The following LPCAT3 variants were observed in gnomAD, a reference collection of about 807,000 sequenced individuals.
LPCAT3 encodes lysophospholipid acyltransferase 5.
Under a neutral mutation model 63.4 loss-of-function variants are expected in LPCAT3, and 21 were observed. That is an observed-to-expected ratio of 0.33 (90% confidence interval 0.23 to 0.48). The LOEUF is 0.48. Among genes scored for constraint, LPCAT3 ranks in the 20% least tolerant of loss-of-function variants. The pLI, the probability that LPCAT3 is intolerant of heterozygous loss-of-function variation, is 0.99. For missense variants in LPCAT3, 451 were observed against 590.6 expected (o/e 0.76, Z 2.45); for synonymous variants, 242 against 227.5 (o/e 1.06, Z -0.58).
chr12:6,977,921 C>T lies in LPCAT3; in HGVS notation c.1041-176G>A. 1.4e-6 allele frequency: 1 copy of T among 714,914 alleles called. No homozygotes were observed. Among genetic ancestry groups the T allele is most frequent in the South Asian group, 1.8e-5 (1 of 55,104 alleles). The allele number at this position is 714,914 out of a possible 1,614,324, so 44.3% of individuals were successfully genotyped here. ...ATTACTTTTAGAGATGGAAAGCAGA[C>T]CCAAGGCGGAGCTGGAGACCGTGTG... On this transcript the variant is annotated intron_variant, in intron 9 of 12. Coordinates refer to ENST00000261407, the MANE Select transcript of LPCAT3 (RefSeq NM_005768.6). The surrounding 1 kb of genome is among the most constrained non-coding windows in gnomAD (Gnocchi z 4.5).
chr12:7,009,409 G>A (rs1463246824), intron 1 of LPCAT3, among the ~76,000 whole-genome samples: 1 of 152,160 alleles, frequency 6.6e-6, no homozygotes, highest in Non-Finnish European at 1.5e-5. Flanking sequence ...CTACAAAATA[G>A]GCACCGGAAG....
At chr12:6,983,612 T>A in intron 1 of LPCAT3, 73 bp from the exon 2 acceptor site, 1 of 952,278 alleles carries the variant, frequency 1.1e-6, no homozygotes, top group Non-Finnish European at 1.7e-6. Flanking sequence ...GAAGTTTATC[T>A]GGCATGAAAC....
chr12:6,982,548 T>C (rs148570459), intron 3 of LPCAT3, 128 bp downstream of exon 3: 4 of 666,632 alleles, frequency 6.0e-6, no homozygotes, highest in East Asian at 2.7e-5. Flanking sequence ...CCTGAAGTCA[T>C]ACTGCTAAGT....
rs79289727 is a variant in LPCAT3, at chr12:7,014,292, A to G, written c.151+3982T>C. On this transcript the variant is annotated intron_variant, in intron 1 of 12. Transcript: ENST00000261407. ...TGCTCCTGCCCTTGCAGGGTTAAGA[A>G]TACTGCTTTACCTGTAGTAGGTGCA... Among the ~76,000 whole-genome samples the G allele has an allele frequency of 2.0e-4, 30 of 152,354 alleles. No homozygotes were observed. In the East Asian group the frequency reaches 5.6e-3, roughly 28 times the overall value.
chr12:6,987,111 CA>C lies in LPCAT3; in HGVS notation c.152-3573del, dbSNP rs56951656. Among the ~76,000 whole-genome samples, 5 of 145,000 alleles carry C rather than the reference CA, an allele frequency of 3.4e-5. No individual in the cohort carries two copies. The highest frequency in any genetic ancestry group is 7.5e-5 in the African/African-American group (3 of 40,084). On this transcript the variant is annotated intron_variant, in intron 1 of 12. Transcript: ENST00000261407. This position sits in a 1 kb window ranked among gnomAD's most constrained non-coding sequence, Gnocchi z 4.1. ...TTGGGCAACGAGCAAGATTCTGTCT[CA>C]AAAAAAAAAGAAAAAAAAGTTTTAT...
At chr12:7,012,323 C>T (rs1490038507) in intron 1 of LPCAT3, among the ~76,000 whole-genome samples, 2 of 152,156 alleles carry the variant, frequency 1.3e-5, no homozygotes, top group African/African-American at 4.8e-5. Flanking sequence ...GCCCCACATG[C>T]TCCTCCCAAT....
Position 6,978,590 on chromosome 12 carries a change from C to G in LPCAT3, c.873+13G>C, listed in dbSNP as rs782205863. The G allele has an allele frequency of 1.2e-6, 2 of 1,614,032 alleles. No individual in the cohort carries two copies. Among genetic ancestry groups the G allele is most frequent in the Admixed American group, 1.7e-5 (1 of 59,994 alleles). ...TTGTCTAAATAGGACCTTGTTTCAACTTTTCTACTTACTGTGACCAGCCAA... is the reference window on the plus strand; with the variant it reads ...TTGTCTAAATAGGACCTTGTTTCAAGTTTTCTACTTACTGTGACCAGCCAA... On this transcript the variant is annotated intron_variant, in intron 8 of 12. Coordinates refer to ENST00000261407, the MANE Select transcript of LPCAT3 (RefSeq NM_005768.6).
chr12:6,979,770 C>A, intron 6 of LPCAT3, 191 bp from the exon 7 acceptor site: 2 of 598,620 alleles, frequency 3.3e-6, no homozygotes, highest in Non-Finnish European at 6.0e-6. Flanking sequence ...GGAATGGGGA[C>A]TGCAAACCTC....
chr12:6,978,096 A>C (rs1478676524), intron 9 of LPCAT3: 2 of 561,648 alleles, frequency 3.6e-6, no homozygotes, highest in Non-Finnish European at 3.1e-6. Flanking sequence ...ACATAAGTCC[A>C]TTGGCAGAGC....
intron 1 of LPCAT3, among the ~76,000 whole-genome samples, chr12:7,000,354 G>A (rs1250417171): frequency 1.3e-5 from 2 of 151,312 alleles, no homozygotes; most frequent in Non-Finnish European, 2.9e-5. Flanking sequence ...TTGGGAGGCC[G>A]AGACAGGCAG....
intron 1 of LPCAT3, among the ~76,000 whole-genome samples, chr12:6,999,248 G>C (rs1946664793): frequency 6.6e-6 from 1 of 152,112 alleles, no homozygotes; most frequent in Non-Finnish European, 1.5e-5. Context: ...GTTCATTTCT[G>C]AAAGTTACCT....
At chr12:7,011,886 T>G (rs1946766545) in intron 1 of LPCAT3, among the ~76,000 whole-genome samples, 1 of 152,202 alleles carries the variant, frequency 6.6e-6, no homozygotes, top group Admixed American at 6.5e-5. Context: ...TTTGTTTCAT[T>G]AATGCTGCTT....
At chr12:6,981,492 G>A in intron 5 of LPCAT3, 103 bp downstream of exon 5, 1 of 1,147,652 alleles carries the variant, frequency 8.7e-7, no homozygotes, top group South Asian at 1.2e-5. Flanking sequence ...TGGGGAATGA[G>A]GGAGAGGCTC....
rs1555154410 is a variant in LPCAT3 at position 6,983,484 on chromosome 12, G to A, written c.207C>T (p.Leu69=). ...CTGTAAAGGTATGGAAGAGGTGGAT[G>A]AGGTAGGTCTCCTTGTAGAAAAGGT... The part of the protein sequence containing the change: ...RHYLFYKETY[L]IHLFHTFTGL... Residue 69 remains leucine (L), a synonymous_variant, in exon 2 of 13, where the codon CTC becomes CTT. Coordinates refer to ENST00000261407, the MANE Select transcript of LPCAT3 (RefSeq NM_005768.6). 1 of 1,613,320 alleles carries A rather than the reference G, an allele frequency of 6.2e-7. No homozygotes were observed. Among genetic ancestry groups the A allele is most frequent in the Non-Finnish European group, 8.5e-7 (1 of 1,179,332 alleles).
At chr12:7,008,541 G>A (rs1946741785) in intron 1 of LPCAT3, among the ~76,000 whole-genome samples, 1 of 152,084 alleles carries the variant, frequency 6.6e-6, no homozygotes, top group African/African-American at 2.4e-5. Context: ...ATTGCTTAAG[G>A]TGGTTGATGC....
chr12:6,982,218 T>C (rs1377422371), intron 3 of LPCAT3, among the ~76,000 whole-genome samples: 2 of 152,142 alleles, frequency 1.3e-5, no homozygotes, highest in African/African-American at 4.8e-5. Flanking sequence ...TGTATTTTTT[T>C]TGTAGAGATG....
chr12:7,012,190 A>G (rs1439843674), intron 1 of LPCAT3, among the ~76,000 whole-genome samples: 1 of 152,234 alleles, frequency 6.6e-6, no homozygotes, highest in Non-Finnish European at 1.5e-5. Flanking sequence ...CAGGGTGGCC[A>G]TCTGCTCCAT....
rs782083781 is a variant in LPCAT3 at position 7,017,903 on chromosome 12, T to C, written c.151+371A>G. Among the ~76,000 whole-genome samples the C allele has an allele frequency of 4.0e-5, 6 of 151,820 alleles. No individual in the cohort carries two copies. ...TATGCCTACCGATGAGATGCGCGCG[T>C]GTGCGGGGTGGTTATTAATGACAGA... is the stretch of plus-strand genomic sequence containing the variant. On this transcript the variant is annotated intron_variant, in intron 1 of 12. Transcript: ENST00000261407. This position sits in a 1 kb window ranked among gnomAD's most constrained non-coding sequence, Gnocchi z 4.1.
chr12:7,016,852 G>C (rs1370802168), intron 1 of LPCAT3, among the ~76,000 whole-genome samples: 3 of 152,204 alleles, frequency 2.0e-5, no homozygotes, highest in African/African-American at 7.2e-5. Context: ...CACAACCCCA[G>C]TTCCATTCCA....
Sources: gnomAD v4.1 joint callset for allele counts (sites outside exome capture counted in the v4.1 genomes callset) on GRCh38, gnomAD v4.1.1 for gene constraint, Gnocchi (gnomAD v3.1) non-coding constraint, MANE v1.5 for transcripts, NCBI Gene and HGNC (gene_info 2026-07-23, HGNC 2026-07-21) for gene names.